MIS18A: variants seen among roughly 807,000 people sequenced by gnomAD.
MIS18A encodes the protein protein Mis18-alpha.
Under a neutral mutation model 25.0 loss-of-function variants are expected in MIS18A, and 14 were observed. The ratio of observed to expected loss-of-function variants is 0.56; its 90% CI spans 0.37 to 0.88. The LOEUF is 0.88. Among genes scored for constraint, MIS18A ranks in the 40% least tolerant of loss-of-function variants. The probability of loss-of-function intolerance (pLI) is 0.00; values close to 1 mark genes in which losing one functional copy is unlikely to be tolerated. For missense variants in MIS18A, 292 were observed against 290.8 expected, an observed-to-expected ratio of 1.00 and a Z score of -0.03; for synonymous variants, 134 against 118.6, an observed-to-expected ratio of 1.13 and a Z score of -0.84.
chr21:32,259,822 C>A, the MIS18A span: 6 of 152,262 alleles, frequency 3.9e-5, no homozygotes, highest in African/African-American at 1.4e-4. Context: ...TGAAGAAAAT[C>A]TTTAATACAA....
the MIS18A span, among the ~76,000 whole-genome samples, chr21:32,192,052 G>A: frequency 1.3e-5 from 2 of 152,168 alleles, no homozygotes; most frequent in African/African-American, 4.8e-5. Context: ...AAAACCCATT[G>A]GAAGGAAGGG....
At chr21:32,171,614 T>C in the MIS18A span, among the ~76,000 whole-genome samples, 2 of 152,068 alleles carry the variant, frequency 1.3e-5, no homozygotes, top group Admixed American at 6.5e-5. Context: ...CAAACCTATA[T>C]AGCACATTAC....
chr21:32,222,023 T>C, the MIS18A span, among the ~76,000 whole-genome samples: 2 of 152,106 alleles, frequency 1.3e-5, no homozygotes, highest in Admixed American at 6.6e-5. Context: ...CAAGACCCAT[T>C]GGTGTGCTGT....
chr21:32,162,855 T>G, the MIS18A span, among the ~76,000 whole-genome samples: 2 of 152,218 alleles, frequency 1.3e-5, no homozygotes, highest in African/African-American at 4.8e-5. Context: ...CAGGGGCACA[T>G]GGCCAATCGC....
At chr21:32,217,815 C>T in the MIS18A span, among the ~76,000 whole-genome samples, 1 of 151,648 alleles carries the variant, frequency 6.6e-6, no homozygotes, top group Admixed American at 6.6e-5. Flanking sequence ...ATTCAAAATT[C>T]TGAAGGAAAA....
chr21:32,254,568 T>A, the MIS18A span, among the ~76,000 whole-genome samples: 35 of 152,044 alleles, frequency 2.3e-4, no homozygotes, highest in Non-Finnish European at 4.4e-4. Flanking sequence ...TAACTTTAAA[T>A]GGTTTTTCAC....
At chr21:32,242,955 C>A in the MIS18A span, among the ~76,000 whole-genome samples, 1 of 152,150 alleles carries the variant, frequency 6.6e-6, no homozygotes, top group Non-Finnish European at 1.5e-5. Context: ...TGGAAACAGA[C>A]CCACACAGAC....
At chr21:32,223,010 C>T in the MIS18A span, among the ~76,000 whole-genome samples, 7 of 151,484 alleles carry the variant, frequency 4.6e-5, no homozygotes, top group Admixed American at 4.6e-4. Flanking sequence ...ACTGAGCAAC[C>T]TGCTCCTGAA....
At chr21:32,200,335 A>G in the MIS18A span, among the ~76,000 whole-genome samples, 14 of 152,280 alleles carry the variant, frequency 9.2e-5, no homozygotes, top group South Asian at 1.5e-3. Context: ...TTCTAGATCA[A>G]TTGTGGGTTG....
the MIS18A span, among the ~76,000 whole-genome samples, chr21:32,255,773 G>A: frequency 5.9e-5 from 9 of 151,530 alleles, no homozygotes; most frequent in African/African-American, 1.9e-4. Context: ...CGCCTGTAGT[G>A]CTAGCTACTC....
the MIS18A span, among the ~76,000 whole-genome samples, chr21:32,202,869 A>G: frequency 1.3e-5 from 2 of 152,172 alleles, no homozygotes; most frequent in Non-Finnish European, 2.9e-5. Flanking sequence ...TTGCTTATCC[A>G]TTCACCCACT....
the MIS18A span, among the ~76,000 whole-genome samples, chr21:32,157,434 C>T: frequency 6.6e-6 from 1 of 151,698 alleles, no homozygotes. Context: ...CTGGGTCCTG[C>T]AAGCTCTTAA....
At chr21:32,213,507 A>G in the MIS18A span, among the ~76,000 whole-genome samples, 1 of 152,252 alleles carries the variant, frequency 6.6e-6, no homozygotes, top group Non-Finnish European at 1.5e-5. Context: ...TATCCACAAT[A>G]AACTGATTAA....
chr21:32,278,658 CT>C (rs1191060862), intron 1 of MIS18A, 22 bp downstream of exon 1: 16 of 1,495,182 alleles, frequency 1.1e-5, no homozygotes, highest in Non-Finnish European at 1.4e-5. Context: ...CACGCCCCCC[CT>C]GCCCGGCTCG....
the MIS18A span, among the ~76,000 whole-genome samples, chr21:32,212,848 A>T: frequency 0.028 from 4,249 of 152,304 alleles, 79 homozygotes; most frequent in Non-Finnish European, 0.042. Flanking sequence ...CAGTGTAAGA[A>T]GTCCCTTTGC....
the MIS18A span, among the ~76,000 whole-genome samples, chr21:32,174,444 G>A: frequency 6.6e-6 from 1 of 152,118 alleles, no homozygotes; most frequent in Non-Finnish European, 1.5e-5. Flanking sequence ...CACTGCTAGA[G>A]CTATAGATGA....
chr21:32,199,058 T>C, the MIS18A span, among the ~76,000 whole-genome samples: 1 of 152,056 alleles, frequency 6.6e-6, no homozygotes, highest in Non-Finnish European at 1.5e-5. Flanking sequence ...TTGGAATGGA[T>C]TGGATTGGGA....
downstream of MIS18A, among the ~76,000 whole-genome samples, chr21:32,265,811 G>A (rs979992515): frequency 2.0e-5 from 3 of 152,258 alleles, no homozygotes; most frequent in South Asian, 2.1e-4. Flanking sequence ...TGGTGGGGAC[G>A]TGGAGAGTCT....
the MIS18A span, among the ~76,000 whole-genome samples, chr21:32,228,471 A>G: frequency 6.6e-6 from 1 of 152,190 alleles, no homozygotes; most frequent in East Asian, 1.9e-4. Flanking sequence ...CTGCATTTCT[A>G]TTCAACATTT....
Sources: gnomAD v4.1 joint callset for allele counts (sites outside exome capture counted in the v4.1 genomes callset) on GRCh38, gnomAD v4.1.1 for gene constraint, MANE v1.5 for transcripts, NCBI Gene and HGNC (gene_info 2026-07-23, HGNC 2026-07-21) for gene names.